The following ALDH1L1 variants were observed in gnomAD, a reference collection of about 807,000 sequenced individuals.
The protein encoded by ALDH1L1 is cytosolic 10-formyltetrahydrofolate dehydrogenase.
In ALDH1L1, 68 loss-of-function variants were observed where a neutral mutation model predicts 101.1. The observed-to-expected ratio is 0.67, with a 90% CI of 0.55 to 0.82. The LOEUF (loss-of-function observed/expected upper bound fraction) is 0.82. Ranked by LOEUF, ALDH1L1 falls within the 40% of genes least tolerant of loss-of-function variation. ALDH1L1 has a pLI of 0.00. For synonymous variants in ALDH1L1, 486 were observed against 470.8 expected, an observed-to-expected ratio of 1.03 and a Z score of -0.42; for missense variants, 1,087 against 1,172.7, an observed-to-expected ratio of 0.93 and a Z score of 1.07.
Position 126,105,748 on chromosome 3 carries a change from C to T in ALDH1L1, c.2631G>A (p.Gln877=). 1.2e-6 allele frequency: 2 copies of T among 1,614,226 alleles called. No homozygotes were observed. The highest frequency in any genetic ancestry group is 1.7e-6 in the Non-Finnish European group (2 of 1,180,050). ...TACCTAGATCTTTGCCAAATCCAGA[C>T]TGTTTGAATCCTCCGAAGGGAGCGG... is the stretch of plus-strand genomic sequence containing the variant. ...DVAAPFGGFK[Q]SGFGKDLGEA... The change falls in exon 22 of 23, where the codon CAG becomes CAA. Residue 877 remains glutamine (Q), a synonymous_variant. Coordinates refer to ENST00000393434, the MANE Select transcript of ALDH1L1 (RefSeq NM_012190.4).
chr3:126,174,348 G>T lies in ALDH1L1; in HGVS notation c.-24+6128C>A, dbSNP rs533958322. Among the ~76,000 whole-genome samples the T allele has an allele frequency of 6.6e-5, 10 of 152,324 alleles. No homozygotes were observed. The East Asian group carries it at 1.9e-3, about 29-fold the overall frequency. On this transcript the variant is annotated intron_variant, in intron 1 of 22. Coordinates refer to ENST00000393434, the MANE Select transcript of ALDH1L1 (RefSeq NM_012190.4). ...CCTGGCCAGTACCCACTAACTGATAGATCCAGCAGGCTGGAAATCAGTAAG... is the reference window on the plus strand; with the variant it reads ...CCTGGCCAGTACCCACTAACTGATATATCCAGCAGGCTGGAAATCAGTAAG...
intron 16 of ALDH1L1, among the ~76,000 whole-genome samples, chr3:126,121,017 G>C (rs1014691002): frequency 1.3e-5 from 2 of 152,134 alleles, no homozygotes; most frequent in Admixed American, 6.5e-5. Flanking sequence ...GTCAGTACAG[G>C]TAAAATTAGT....
At chr3:126,146,130 C>T (rs1158376055) in intron 9 of ALDH1L1, among the ~76,000 whole-genome samples, 4 of 152,212 alleles carry the variant, frequency 2.6e-5, no homozygotes, top group Admixed American at 2.0e-4. Flanking sequence ...TCACAATGCC[C>T]ACCCCTGCAG....
At chr3:126,111,663 G>C (rs577159752) in intron 19 of ALDH1L1, among the ~76,000 whole-genome samples, 1 of 152,308 alleles carries the variant, frequency 6.6e-6, no homozygotes, top group Non-Finnish European at 1.5e-5. Context: ...TCCAGCACCA[G>C]CTCTCCTCCA....
intron 17 of ALDH1L1, 135 bp from the exon 18 acceptor site, chr3:126,114,791 A>ACCCCCC: frequency 1.0e-5 from 6 of 600,064 alleles, no homozygotes; most frequent in South Asian, 3.8e-5. Context: ...GTGCCTCCCC[A>ACCCCCC]CTCCCCCCCA....
chr3:126,114,346 C>T (rs1259830723), intron 18 of ALDH1L1, among the ~76,000 whole-genome samples: 2 of 152,146 alleles, frequency 1.3e-5, no homozygotes, highest in African/African-American at 4.8e-5. Context: ...GCTATCCTGG[C>T]AGCTATGAAA....
intron 10 of ALDH1L1, among the ~76,000 whole-genome samples, 176 bp downstream of exon 10, chr3:126,137,637 C>G (rs1432105413): frequency 1.3e-5 from 2 of 152,196 alleles, no homozygotes; most frequent in Non-Finnish European, 2.9e-5. Flanking sequence ...GCTGGCCCCA[C>G]TGTACTGACA....
chr3:126,144,063 T>C (rs2080622632), intron 9 of ALDH1L1, among the ~76,000 whole-genome samples: 1 of 152,168 alleles, frequency 6.6e-6, no homozygotes, highest in African/African-American at 2.4e-5. Context: ...TGCAACTCCA[T>C]AAATTAGCAA....
At chr3:126,162,907 TA>T (rs1455030096) in intron 1 of ALDH1L1, among the ~76,000 whole-genome samples, 1 of 152,236 alleles carries the variant, frequency 6.6e-6, no homozygotes, top group African/African-American at 2.4e-5. Flanking sequence ...CATCTGCATA[TA>T]AAATTAACCC....
chr3:126,162,280 GC>G (rs1265877852), intron 1 of ALDH1L1, among the ~76,000 whole-genome samples: 2 of 152,140 alleles, frequency 1.3e-5, no homozygotes, highest in African/African-American at 4.8e-5. Context: ...TTTAACAGAC[GC>G]TGCCAGTTTT....
chr3:126,180,989 C>G, upstream of ALDH1L1: 5 of 1,609,184 alleles, frequency 3.1e-6, no homozygotes, highest in Non-Finnish European at 3.4e-6. Flanking sequence ...CACAGCAGAG[C>G]GAAAGGAGAC....
rs542719877 is a variant in ALDH1L1 at position 126,135,920 on chromosome 3, G to A, written c.1345-258C>T. Among the ~76,000 whole-genome samples, 500 of 152,286 alleles carry A rather than the reference G, an allele frequency of 3.3e-3. 4 individuals are homozygous for A. The highest frequency in any genetic ancestry group is 0.014 in the Middle Eastern group (4 of 294). On this transcript the variant is annotated intron_variant, in intron 11 of 22. Transcript: ENST00000393434. ...TGTTCCTGCCCTGAGTGTGCCATCC[G>A]TGCAGGCTCCCTCACCTTGGTGCCT...
intron 10 of ALDH1L1, 112 bp downstream of exon 10, chr3:126,137,701 C>A: frequency 6.9e-7 from 1 of 1,449,706 alleles, no homozygotes. Flanking sequence ...GGGTGGGCTC[C>A]TGGGGCCCTG....
intron 8 of ALDH1L1, among the ~76,000 whole-genome samples, chr3:126,149,655 C>T (rs561820362): frequency 5.3e-4 from 80 of 152,314 alleles, no homozygotes; most frequent in Middle Eastern, 6.8e-3. Context: ...TGAGCCTTGC[C>T]GCACATGTGC....
intron 17 of ALDH1L1, among the ~76,000 whole-genome samples, chr3:126,115,733 C>T (rs1225082113): frequency 6.6e-6 from 1 of 151,538 alleles, no homozygotes; most frequent in African/African-American, 2.4e-5. Context: ...TGCCACCACG[C>T]CCGGCTAATT....
intron 1 of ALDH1L1, among the ~76,000 whole-genome samples, chr3:126,170,874 T>TG (rs1310904855): frequency 2.6e-5 from 4 of 151,404 alleles, no homozygotes; most frequent in African/African-American, 9.7e-5. Context: ...CAAAGGGAGG[T>TG]GGGGGGAAAG....
Position 126,186,934 on chromosome 3 carries a change from G to A in ALDH1L1, c.-24+10801C>T, listed in dbSNP as rs1440375877. Reference sequence around the variant, plus strand: ...CTGGAGATCAGCAGTAGCACCAGCCGCCACCACCTGAAACTGCACGGACGC... The same window carrying A: ...CTGGAGATCAGCAGTAGCACCAGCCACCACCACCTGAAACTGCACGGACGC... On this transcript the variant is annotated intron_variant, in intron 1 of 2. Coordinates refer to the ALDH1L1 transcript ENST00000509952. Among the ~76,000 whole-genome samples, 7 of 152,134 alleles carry A rather than the reference G, an allele frequency of 4.6e-5. 1 individual carries two copies. The highest frequency in any genetic ancestry group is 2.0e-4 in the Admixed American group (3 of 15,254).
chr3:126,114,586 C>A lies in ALDH1L1; in HGVS notation c.2053G>T (p.Asp685Tyr). 6.6e-7 allele frequency: 1 copy of A among 1,510,726 alleles called. No individual in the cohort carries two copies. Among genetic ancestry groups the A allele is most frequent in the South Asian group, 1.3e-5 (1 of 74,314 alleles). The allele number at this position is 1,510,726 out of a possible 1,614,324, so 93.6% of individuals were successfully genotyped here. A position where few individuals can be genotyped will look rare whatever the true frequency, so the allele number is the denominator to read the frequency against. The stretch of plus-strand genomic sequence containing the variant: ...TGCACAGCCTTGTTGAGGTCACAGT[C>A]AGCAAAGATGATGAGGGGTGACTTC... ...GGKSPLIIFA[D>Y]CDLNKAVQMG... Residue 685 changes from aspartate (D) to tyrosine (Y), a missense_variant, in exon 18 of 23, where the codon GAC (aspartate) becomes TAC (tyrosine). This residue lies in a region of ALDH1L1 where 442 missense variants were observed against 535.7 expected (regional missense o/e 0.83). Coordinates refer to ENST00000393434, the MANE Select transcript of ALDH1L1 (RefSeq NM_012190.4).
At chr3:126,135,384 C>T (rs1216625530) in intron 12 of ALDH1L1, 151 bp downstream of exon 12, 2 of 1,030,232 alleles carry the variant, frequency 1.9e-6, no homozygotes, top group Non-Finnish European at 2.7e-6. Context: ...CAAGGAGCCC[C>T]AGCCTGGCCC....
Sources: allele counts gnomAD v4.1 joint callset (sites outside exome capture counted in the v4.1 genomes callset), GRCh38; gene constraint gnomAD v4.1.1; regional missense constraint gnomAD v4.1.1; transcripts MANE v1.5; gene names NCBI Gene and HGNC (gene_info 2026-07-23, HGNC 2026-07-21).